The following UPB1 variants were observed in gnomAD, a reference collection of about 807,000 sequenced individuals.
UPB1 encodes the protein beta-ureidopropionase.
A neutral mutation model predicts 49.1 loss-of-function variants in UPB1; 40 were observed. That is an observed-to-expected ratio of 0.81 (90% CI 0.63 to 1.06). UPB1 has a LOEUF of 1.06. UPB1 is among the 50% of genes least tolerant of loss of function. The pLI, the probability that UPB1 is intolerant of heterozygous loss-of-function variation, is 0.00. For missense variants in UPB1, 499 were observed against 505.9 expected (o/e 0.99, Z 0.13); for synonymous variants, 207 against 198.2 (o/e 1.04, Z -0.38).
At chr22:24,500,992 A>G (rs2147002125) in intron 2 of UPB1, among the ~76,000 whole-genome samples, 1 of 152,286 alleles carries the variant, frequency 6.6e-6, no homozygotes, top group African/African-American at 2.4e-5. Context: ...CTGCATCATC[A>G]TTCACATTGG....
chr22:24,510,008 G>A (rs180905895), intron 3 of UPB1, among the ~76,000 whole-genome samples: 40 of 152,216 alleles, frequency 2.6e-4, no homozygotes, highest in African/African-American at 9.2e-4. Flanking sequence ...TGAGGTGGGC[G>A]GATCACCTGA....
chr22:24,502,316 T>G (rs2044007412), intron 3 of UPB1, 103 bp downstream of exon 3: 1 of 1,265,648 alleles, frequency 7.9e-7, no homozygotes, highest in Non-Finnish European at 1.2e-6. Flanking sequence ...GAATCTCCTT[T>G]GTTTCCTCAT....
chr22:24,500,344 G>A, intron 2 of UPB1, 66 bp downstream of exon 2: 1 of 1,603,840 alleles, frequency 6.2e-7, no homozygotes, highest in African/African-American at 1.3e-5. Context: ...GAGCACACCT[G>A]CAGGCCCTGG....
intron 4 of UPB1, among the ~76,000 whole-genome samples, chr22:24,513,005 T>C (rs2044233758): frequency 6.6e-6 from 1 of 152,242 alleles, no homozygotes; most frequent in Non-Finnish European, 1.5e-5. Context: ...GCAAATCTCT[T>C]CTGCTTTCAA....
In UPB1 at chr22:24,526,100, A is replaced by G; in HGVS notation, c.*306A>G. On this transcript the variant is annotated 3_prime_UTR_variant, in exon 10 of 10. Coordinates refer to ENST00000326010, the MANE Select transcript of UPB1 (RefSeq NM_016327.3). ...CAACTAAAAAAAAAAATGCCCAGGT[A>G]CTGCTTGTGCAGGTGGATTTGAGGT... is the stretch of plus-strand genomic sequence containing the variant. 1 of 395,524 alleles carries G rather than the reference A, an allele frequency of 2.5e-6. No individual in the cohort carries two copies. Among genetic ancestry groups the G allele is most frequent in the East Asian group, 5.9e-5 (1 of 17,052 alleles). The allele number at this position is 395,524 out of a possible 1,614,324, so 24.5% of individuals were successfully genotyped here. A position where few individuals can be genotyped will look rare whatever the true frequency, so the allele number is the denominator to read the frequency against.
chr22:24,510,057 A>AC (rs2044169964), intron 3 of UPB1, among the ~76,000 whole-genome samples: 1 of 151,966 alleles, frequency 6.6e-6, no homozygotes, highest in Non-Finnish European at 1.5e-5. Context: ...ACATGGAGAA[A>AC]CCCCATCTCT....
At chr22:24,499,581 C>T (rs2043953649) in intron 1 of UPB1, among the ~76,000 whole-genome samples, 1 of 152,050 alleles carries the variant, frequency 6.6e-6, no homozygotes, top group Non-Finnish European at 1.5e-5. Flanking sequence ...GCAGGAGCAG[C>T]AGGACAGAGT....
In UPB1 at chr22:24,515,290, C is replaced by T; in HGVS notation, c.711C>T (p.His237=). Residue 237 remains histidine (H), a synonymous_variant, in exon 6 of 10, where the codon CAC becomes CAT. Coordinates refer to ENST00000326010, the MANE Select transcript of UPB1 (RefSeq NM_016327.3). ...RIAVNICYGR[H]HPLNWLMYSI... Reference sequence around the variant, plus strand: ...CGGTGAACATTTGCTACGGGCGGCACCACCCCCTCAACTGGCTTATGTACA... The same window carrying T: ...CGGTGAACATTTGCTACGGGCGGCATCACCCCCTCAACTGGCTTATGTACA... The T allele has an allele frequency of 1.2e-6, 2 of 1,614,168 alleles. No individual in the cohort carries two copies. The highest frequency in any genetic ancestry group is 1.1e-5 in the South Asian group (1 of 91,080).
chr22:24,515,135 T>C, intron 5 of UPB1, 66 bp from the exon 6 acceptor site: 1 of 1,604,236 alleles, frequency 6.2e-7, no homozygotes, highest in Non-Finnish European at 8.5e-7. Flanking sequence ...ATATTTCAGT[T>C]TTTCTGCTGA....
At chr22:24,495,586 C>T in intron 1 of UPB1, 79 bp downstream of exon 1, 2 of 1,523,778 alleles carry the variant, frequency 1.3e-6, no homozygotes, top group Non-Finnish European at 1.8e-6. Context: ...GGGAGGGCCT[C>T]AGGGTCTGAA....
intron 1 of UPB1, among the ~76,000 whole-genome samples, chr22:24,499,220 GA>G (rs2043944906): frequency 6.6e-6 from 1 of 152,220 alleles, no homozygotes; most frequent in Non-Finnish European, 1.5e-5. Flanking sequence ...ACGTCTCCAA[GA>G]AAGTGATTTA....
At chr22:24,511,614 A>ATTTTTTT (rs202129656) in intron 4 of UPB1, among the ~76,000 whole-genome samples, 16 of 121,180 alleles carry the variant, frequency 1.3e-4, no homozygotes, top group East Asian at 2.4e-4. Flanking sequence ...ATATATATAT[A>ATTTTTTT]TATATTTTTT....
intron 3 of UPB1, among the ~76,000 whole-genome samples, chr22:24,508,522 G>A (rs562276665): frequency 6.6e-6 from 1 of 151,782 alleles, no homozygotes; most frequent in African/African-American, 2.4e-5. Context: ...TCGTGCCACT[G>A]CACTCCAGCC....
chr22:24,510,610 C>A, intron 3 of UPB1, 139 bp from the exon 4 acceptor site: 1 of 890,158 alleles, frequency 1.1e-6, no homozygotes, highest in Non-Finnish European at 1.8e-6. Context: ...TGCCCACAGC[C>A]AGGAACAGGA....
chr22:24,506,678 T>C (rs2044097192), intron 3 of UPB1, among the ~76,000 whole-genome samples: 1 of 152,238 alleles, frequency 6.6e-6, no homozygotes, highest in African/African-American at 2.4e-5. Context: ...CACTCTTCAT[T>C]AGACTATGAG....
At chr22:24,512,796 T>C (rs77895031) in intron 4 of UPB1, among the ~76,000 whole-genome samples, 9,378 of 152,268 alleles carry the variant, frequency 0.062, 297 homozygotes, top group South Asian at 0.12. Context: ...TATTTGTCTT[T>C]TTGGGACTGG....
chr22:24,513,092 A>C (rs181271981), intron 4 of UPB1, among the ~76,000 whole-genome samples: 2 of 152,190 alleles, frequency 1.3e-5, no homozygotes, highest in Admixed American at 6.5e-5. Context: ...AGGAACTCCC[A>C]TATGGTTTTC....
At chr22:24,523,476 CT>C (rs1312464362) in intron 8 of UPB1, 142 bp from the exon 9 acceptor site, 2 of 1,253,228 alleles carry the variant, frequency 1.6e-6, no homozygotes, top group Admixed American at 1.8e-5. Flanking sequence ...AGAGACAGGC[CT>C]TTTGGGCCTC....
At chr22:24,513,174 T>G (rs1448689480) in intron 4 of UPB1, 150 bp from the exon 5 acceptor site, 1 of 1,084,360 alleles carries the variant, frequency 9.2e-7, no homozygotes, top group African/African-American at 1.6e-5. Flanking sequence ...TAGCAAAGCA[T>G]GGACATCAGG....
Sources: gnomAD v4.1 joint callset for allele counts (sites outside exome capture counted in the v4.1 genomes callset) on GRCh38, gnomAD v4.1.1 for gene constraint, MANE v1.5 for transcripts, NCBI Gene and HGNC (gene_info 2026-07-23, HGNC 2026-07-21) for gene names.